CPM: variants seen among roughly 807,000 people sequenced by gnomAD.
CPM encodes carboxypeptidase M.
In CPM, 35 loss-of-function variants were observed where a neutral mutation model predicts 46.4. The ratio of observed to expected loss-of-function variants is 0.75; its 90% CI spans 0.58 to 1.00. The LOEUF (loss-of-function observed/expected upper bound fraction) is 1.00. Among genes scored for constraint, CPM ranks in the 50% least tolerant of loss-of-function variants. The pLI, the probability that CPM is intolerant of heterozygous loss-of-function variation, is 0.00. For missense variants in CPM, 422 were observed against 530.4 expected (o/e 0.80, Z 2.01); for synonymous variants, 195 against 195.3 (o/e 1.00, Z 0.01).
At chr12:68,850,389 CAG>C (rs901814949), downstream of CPM, 7 of 151,604 alleles carry the variant, frequency 4.6e-5, no homozygotes, top group African/African-American at 1.7e-4. Flanking sequence ...CTCTTGAAAA[CAG>C]AGAAACTATT....
At chr12:68,877,859 T>A (rs1241578295) in intron 3 of CPM, among the ~76,000 whole-genome samples, 1 of 152,194 alleles carries the variant, frequency 6.6e-6, no homozygotes, top group Non-Finnish European at 1.5e-5. Context: ...AGATATTGTG[T>A]CCCACTGTCT....
chr12:68,873,455 C>T (rs1458893958), intron 3 of CPM, among the ~76,000 whole-genome samples: 1 of 151,954 alleles, frequency 6.6e-6, no homozygotes, highest in Non-Finnish European at 1.5e-5. Context: ...AGGCGGAGCC[C>T]AGGAGTTTGA....
chr12:68,927,472 T>C (rs1409697142), intron 2 of CPM, among the ~76,000 whole-genome samples: 2 of 152,176 alleles, frequency 1.3e-5, no homozygotes, highest in East Asian at 3.8e-4. Flanking sequence ...TAGCCCTTTG[T>C]CAGATGAGTA....
Position 68,853,580 on chromosome 12 carries a change from C to A in CPM, c.*2857G>T, listed in dbSNP as rs1479853855. 6.6e-6 allele frequency: 1 copy of A among 152,134 alleles called. No homozygotes were observed. The highest frequency in any genetic ancestry group is 1.5e-5 in the Non-Finnish European group (1 of 68,042). 9.4% of individuals were successfully genotyped at this position (152,134 alleles called of 1,614,324 possible). A position where few individuals can be genotyped will look rare whatever the true frequency, so the allele number is the denominator to read the frequency against. ...TTCATTCCTTTGTCGTTCTCACTCT[C>A]CATGCCAGTATGTCTCATTTCTAGA... On this transcript the variant is annotated 3_prime_UTR_variant, in exon 9 of 9. Coordinates refer to ENST00000551568, the MANE Select transcript of CPM (RefSeq NM_198320.5).
intron 1 of CPM, among the ~76,000 whole-genome samples, chr12:68,951,074 G>A (rs933258608): frequency 6.6e-6 from 1 of 152,142 alleles, no homozygotes; most frequent in African/African-American, 2.4e-5. Flanking sequence ...TTGGAACATG[G>A]AATGAAACAT....
intron 2 of CPM, among the ~76,000 whole-genome samples, chr12:68,904,272 A>C (rs1369725645): frequency 1.3e-5 from 2 of 152,210 alleles, no homozygotes; most frequent in African/African-American, 4.8e-5. Context: ...GCCATTCCAG[A>C]GACACTCTTG....
At chr12:68,865,932 G>A (rs1017630182) in intron 7 of CPM, among the ~76,000 whole-genome samples, 11 of 152,152 alleles carry the variant, frequency 7.2e-5, no homozygotes, top group African/African-American at 2.7e-4. Flanking sequence ...ACTCCGGGTT[G>A]GGGCCTGGCA....
intron 5 of CPM, chr12:68,844,657 C>CA (rs11296638): frequency 1.3e-4 from 30 of 225,780 alleles, no homozygotes; most frequent in East Asian, 2.5e-4. Flanking sequence ...CAGAAAAAAA[C>CA]AAAAAAACTG....
chr12:68,910,783 T>A (rs1201693521), intron 2 of CPM, among the ~76,000 whole-genome samples: 1 of 152,178 alleles, frequency 6.6e-6, no homozygotes, highest in Admixed American at 6.5e-5. Flanking sequence ...AATACAATGC[T>A]GTATATCCTC....
intron 1 of CPM, among the ~76,000 whole-genome samples, chr12:68,961,908 G>A (rs1889120365): frequency 6.6e-6 from 1 of 151,796 alleles, no homozygotes. Flanking sequence ...TTAAAAAACT[G>A]TGGTAATAAT....
intron 1 of CPM, among the ~76,000 whole-genome samples, chr12:68,957,175 C>T (rs1889034293): frequency 6.6e-6 from 1 of 151,984 alleles, no homozygotes; most frequent in Admixed American, 6.6e-5. Context: ...TCCTTGAATC[C>T]CACTATTCAA....
intron 1 of CPM, among the ~76,000 whole-genome samples, chr12:68,942,963 G>A (rs1356863270): frequency 6.6e-6 from 1 of 152,156 alleles, no homozygotes. Context: ...TTCAGTTCAG[G>A]AAGACACCCC....
intron 2 of CPM, among the ~76,000 whole-genome samples, chr12:68,919,961 T>A (rs973245606): frequency 6.6e-6 from 1 of 152,248 alleles, no homozygotes; most frequent in African/African-American, 2.4e-5. Context: ...TGGAGCCTGG[T>A]GGGAGACGTT....
chr12:68,959,450 T>C (rs1458176837), intron 1 of CPM, among the ~76,000 whole-genome samples: 1 of 152,262 alleles, frequency 6.6e-6, no homozygotes, highest in Non-Finnish European at 1.5e-5. Flanking sequence ...AGAGGTCTTG[T>C]ACTACGCTGT....
At chr12:68,909,834 G>C (rs539219560) in intron 2 of CPM, among the ~76,000 whole-genome samples, 2 of 149,634 alleles carry the variant, frequency 1.3e-5, no homozygotes, top group Non-Finnish European at 3.0e-5. Context: ...GGGGCCTGTT[G>C]GGGGGTGGGG....
At chr12:68,872,050 C>T (rs1457602211) in intron 3 of CPM, 94 bp from the exon 4 acceptor site, 1 of 1,255,820 alleles carries the variant, frequency 8.0e-7, no homozygotes, top group African/African-American at 1.5e-5. Flanking sequence ...GGGGTCTCTA[C>T]ACATGATATC....
At chr12:68,911,639 A>G (rs1887598599) in intron 2 of CPM, among the ~76,000 whole-genome samples, 1 of 152,254 alleles carries the variant, frequency 6.6e-6, no homozygotes. Flanking sequence ...AGGCTGCCAA[A>G]TATCACAATT....
At chr12:68,888,038 C>T (rs1467001780) in intron 2 of CPM, among the ~76,000 whole-genome samples, 5 of 152,152 alleles carry the variant, frequency 3.3e-5, no homozygotes, top group African/African-American at 1.2e-4. Flanking sequence ...TCATATGAAA[C>T]AAGGAACTTT....
intron 7 of CPM, among the ~76,000 whole-genome samples, chr12:68,862,508 A>G (rs1885257129): frequency 7.1e-6 from 1 of 140,288 alleles, no homozygotes; most frequent in Non-Finnish European, 1.6e-5. Flanking sequence ...TGCTGGGATT[A>G]CAGGCCCAAA....
Sources: gnomAD v4.1 joint callset for allele counts (sites outside exome capture counted in the v4.1 genomes callset) on GRCh38, gnomAD v4.1.1 for gene constraint, MANE v1.5 for transcripts, NCBI Gene and HGNC (gene_info 2026-07-23, HGNC 2026-07-21) for gene names.